Variants in FBXO4 observed in about 807,000 individuals in gnomAD.
The protein encoded by FBXO4 is F-box only protein 4.
FBXO4 carries 36 observed loss-of-function variants against 43.7 expected under a neutral mutation model. The observed-to-expected ratio is 0.82, with a 90% CI of 0.63 to 1.09. The LOEUF (loss-of-function observed/expected upper bound fraction) is 1.09, where lower values mean the gene tolerates loss of function less well. FBXO4 is among the 50% of genes least tolerant of loss of function. FBXO4 has a pLI of 0.00. For missense variants in FBXO4, 435 were observed against 474.1 expected (o/e 0.92, Z 0.77); for synonymous variants, 180 against 165.6 (o/e 1.09, Z -0.67).
chr5:42,023,789 A>T, the FBXO4 span, among the ~76,000 whole-genome samples: 2 of 151,794 alleles, frequency 1.3e-5, no homozygotes, highest in Admixed American at 1.3e-4. Flanking sequence ...CATTGAGCTT[A>T]CTCTGATGTC....
At chr5:42,032,329 C>T in the FBXO4 span, among the ~76,000 whole-genome samples, 2 of 152,124 alleles carry the variant, frequency 1.3e-5, no homozygotes, top group African/African-American at 4.8e-5. Context: ...TAGGGAGTTC[C>T]CCCAGGTCTT....
chr5:41,956,909 A>G, the FBXO4 span, among the ~76,000 whole-genome samples: 2 of 151,766 alleles, frequency 1.3e-5, no homozygotes, highest in Non-Finnish European at 2.9e-5. Context: ...ACTGGGTTTC[A>G]CCATGTTGGC....
the FBXO4 span, among the ~76,000 whole-genome samples, chr5:41,951,119 G>T: frequency 6.6e-6 from 1 of 152,130 alleles, no homozygotes; most frequent in African/African-American, 2.4e-5. Context: ...GTAGATGACT[G>T]GTTGACGGGT....
the FBXO4 span, among the ~76,000 whole-genome samples, chr5:42,024,210 ATTG>A: frequency 6.6e-6 from 1 of 152,066 alleles, no homozygotes; most frequent in African/African-American, 2.4e-5. Flanking sequence ...TTCTTGAATT[ATTG>A]TTATTTAATT....
the FBXO4 span, among the ~76,000 whole-genome samples, chr5:42,029,046 C>T: frequency 1.3e-5 from 2 of 151,978 alleles, 1 homozygote; most frequent in African/African-American, 4.8e-5. Context: ...GGTTTTATAT[C>T]TTCAGATATT....
intron 6 of FBXO4, among the ~76,000 whole-genome samples, chr5:41,940,272 T>G (rs971708806): frequency 6.6e-6 from 1 of 152,136 alleles, no homozygotes; most frequent in Non-Finnish European, 1.5e-5. Context: ...TATATTTTAT[T>G]TATTTTTTTG....
chr5:41,941,180 A>G lies in FBXO4; in HGVS notation c.1075-12A>G. 6.2e-7 allele frequency: 1 copy of G among 1,609,266 alleles called. No homozygotes were observed. Among genetic ancestry groups the G allele is most frequent in the Non-Finnish European group, 8.5e-7 (1 of 1,175,896 alleles). On this transcript the variant is annotated splice_polypyrimidine_tract_variant and intron_variant, in intron 6 of 6. Transcript: ENST00000281623. Reference sequence around the variant, plus strand: ...TTTCTTACTAACAACATTCTCTCTTATGTATTCCGAGGTCCAGGATACAGA... The same window carrying G: ...TTTCTTACTAACAACATTCTCTCTTGTGTATTCCGAGGTCCAGGATACAGA...
chr5:41,971,900 C>A, the FBXO4 span, among the ~76,000 whole-genome samples: 1 of 152,002 alleles, frequency 6.6e-6, no homozygotes, highest in African/African-American at 2.4e-5. Flanking sequence ...TTTCTACTCT[C>A]TTTTCAAAGC....
the FBXO4 span, among the ~76,000 whole-genome samples, chr5:42,036,217 T>C: frequency 6.6e-6 from 1 of 151,746 alleles, no homozygotes; most frequent in African/African-American, 2.4e-5. Context: ...ATAATCAAAT[T>C]CTTCTCTTCA....
chr5:41,961,097 C>T, the FBXO4 span, among the ~76,000 whole-genome samples: 1 of 151,910 alleles, frequency 6.6e-6, no homozygotes, highest in Non-Finnish European at 1.5e-5. Context: ...GGTCAGAGGC[C>T]GTTTCTGCGT....
At chr5:41,958,001 T>A in the FBXO4 span, among the ~76,000 whole-genome samples, 2 of 152,062 alleles carry the variant, frequency 1.3e-5, no homozygotes, top group Non-Finnish European at 2.9e-5. Context: ...TATATATGCT[T>A]ATGGGGCACA....
chr5:42,039,591 C>CTCTG, the FBXO4 span, among the ~76,000 whole-genome samples: 1 of 152,080 alleles, frequency 6.6e-6, no homozygotes, highest in Middle Eastern at 3.2e-3. Context: ...GACAGATGTA[C>CTCTG]TCTGGGCTGG....
the FBXO4 span, among the ~76,000 whole-genome samples, chr5:42,039,329 T>C: frequency 2.6e-5 from 4 of 152,048 alleles, no homozygotes; most frequent in East Asian, 7.7e-4. Flanking sequence ...ATGTAATATG[T>C]AGAATATCTT....
At chr5:41,936,926 G>C (rs1390098066) in intron 5 of FBXO4, among the ~76,000 whole-genome samples, 1 of 151,758 alleles carries the variant, frequency 6.6e-6, no homozygotes, top group Non-Finnish European at 1.5e-5. Flanking sequence ...CAATCACTTA[G>C]CTCTGCTATT....
the FBXO4 span, among the ~76,000 whole-genome samples, chr5:42,007,554 C>A: frequency 6.6e-6 from 1 of 152,068 alleles, no homozygotes; most frequent in Non-Finnish European, 1.5e-5. Flanking sequence ...TTTTCTATTG[C>A]AAACACTCCT....
At chr5:41,943,673 C>T (rs1200506798), downstream of FBXO4, among the ~76,000 whole-genome samples, 3 of 152,062 alleles carry the variant, frequency 2.0e-5, no homozygotes, top group African/African-American at 7.2e-5. Flanking sequence ...TAAACTCTAT[C>T]GCCACTATTG....
chr5:42,017,479 G>A, the FBXO4 span, among the ~76,000 whole-genome samples: 1 of 150,290 alleles, frequency 6.7e-6, no homozygotes, highest in Non-Finnish European at 1.5e-5. Flanking sequence ...AGGTACATGT[G>A]CAGGTTTGTT....
chr5:41,949,869 A>C, the FBXO4 span, among the ~76,000 whole-genome samples: 4 of 152,320 alleles, frequency 2.6e-5, no homozygotes, highest in South Asian at 2.1e-4. Context: ...AAACAGATAT[A>C]TAGACCAATG....
At chr5:42,008,054 A>C in the FBXO4 span, among the ~76,000 whole-genome samples, 2 of 152,180 alleles carry the variant, frequency 1.3e-5, no homozygotes, top group Non-Finnish European at 2.9e-5. Context: ...ACTCTCATTA[A>C]AAATCAATGA....
Sources: gnomAD v4.1 joint callset for allele counts (sites outside exome capture counted in the v4.1 genomes callset) on GRCh38, gnomAD v4.1.1 for gene constraint, MANE v1.5 for transcripts, NCBI Gene and HGNC (gene_info 2026-07-23, HGNC 2026-07-21) for gene names.